Variants in TRPC6 observed in about 807,000 individuals in gnomAD.
TRPC6 encodes the protein short transient receptor potential channel 6.
Under a neutral mutation model 90.7 loss-of-function variants are expected in TRPC6, and 55 were observed. That is an observed-to-expected ratio of 0.61 (90% confidence interval 0.49 to 0.76). TRPC6 has a LOEUF of 0.76. Ranked by LOEUF, TRPC6 falls within the 30% of genes least tolerant of loss-of-function variation. The pLI, the probability that TRPC6 is intolerant of heterozygous loss-of-function variation, is 0.00. For missense variants in TRPC6, 989 were observed against 1,122.7 expected, an observed-to-expected ratio of 0.88 and a Z score of 1.70; for synonymous variants, 393 against 393.0, an observed-to-expected ratio of 1.00 and a Z score of 0.00.
chr11:101,530,422 C>G lies in TRPC6; in HGVS notation c.171-25624G>C, dbSNP rs565533115. On this transcript the variant is annotated intron_variant, in intron 1 of 12. Coordinates refer to ENST00000344327, the MANE Select transcript of TRPC6 (RefSeq NM_004621.6). Reference sequence around the variant, plus strand: ...CTGTCCAGGAACCTGGCAGGAGATACGCCCATCTGTGCCTCCAGAGGCAGG... The same window carrying G: ...CTGTCCAGGAACCTGGCAGGAGATAGGCCCATCTGTGCCTCCAGAGGCAGG... 7.9e-5 allele frequency among the ~76,000 whole-genome samples: 12 copies of G among 152,212 alleles called. No individual in the cohort carries two copies. The East Asian group carries it at 2.1e-3, about 27-fold the overall frequency.
chr11:101,453,207 T>C, intron 12 of TRPC6, 101 bp from the exon 13 acceptor site: 1 of 1,177,288 alleles, frequency 8.5e-7, no homozygotes, highest in Non-Finnish European at 1.3e-6. Context: ...TCACACACAA[T>C]TTTATTTTGA....
chr11:101,550,807 T>C (rs185746034), intron 1 of TRPC6, among the ~76,000 whole-genome samples: 15 of 151,890 alleles, frequency 9.9e-5, no homozygotes, highest in Admixed American at 1.3e-4. Flanking sequence ...CTTTGAAATA[T>C]TGCATATTTA....
At chr11:101,564,799 C>T (rs1861793414) in intron 1 of TRPC6, among the ~76,000 whole-genome samples, 1 of 152,068 alleles carries the variant, frequency 6.6e-6, no homozygotes, top group Non-Finnish European at 1.5e-5. Context: ...GGAGGCATCA[C>T]ACAACCTAAT....
intron 1 of TRPC6, among the ~76,000 whole-genome samples, chr11:101,549,124 G>A (rs77691523): frequency 0.1 from 15,690 of 151,796 alleles, 1,596 homozygotes; most frequent in East Asian, 0.54. Flanking sequence ...CCTACTAATG[G>A]GAGGAGCTGA....
rs200082005 is a variant in TRPC6 at position 101,583,541 on chromosome 11, G to C, written c.-38C>G. 2 of 1,417,422 alleles carry C rather than the reference G, an allele frequency of 1.4e-6. No homozygotes were observed. The highest frequency in any genetic ancestry group is 1.8e-6 in the Non-Finnish European group (2 of 1,091,370). The allele number at this position is 1,417,422 out of a possible 1,614,324, so 87.8% of individuals were successfully genotyped here. Reference sequence around the variant, plus strand: ...CGACTGGCCTGGGCCCCGCTCCCGGGGGAGCCGAGTGGGCAGTTCCAGCGG... The same window carrying C: ...CGACTGGCCTGGGCCCCGCTCCCGGCGGAGCCGAGTGGGCAGTTCCAGCGG... On this transcript the variant is annotated 5_prime_UTR_variant, in exon 1 of 13. Coordinates refer to ENST00000344327, the MANE Select transcript of TRPC6 (RefSeq NM_004621.6).
At chr11:101,543,585 C>G (rs1009556234) in intron 1 of TRPC6, among the ~76,000 whole-genome samples, 1 of 152,104 alleles carries the variant, frequency 6.6e-6, no homozygotes, top group Admixed American at 6.6e-5. Context: ...AACCACACAT[C>G]TGCAACCATC....
chr11:101,507,065 G>A (rs2136749306), intron 1 of TRPC6, among the ~76,000 whole-genome samples: 1 of 144,656 alleles, frequency 6.9e-6, no homozygotes, highest in East Asian at 2.1e-4. Context: ...CCCCTTCATG[G>A]TCCCTTATCA....
intron 5 of TRPC6, among the ~76,000 whole-genome samples, chr11:101,478,698 A>C (rs1034056007): frequency 6.6e-6 from 1 of 152,146 alleles, no homozygotes; most frequent in Non-Finnish European, 1.5e-5. Flanking sequence ...GAGACTTCAC[A>C]GGGATCAAGC....
At chr11:101,536,096 G>A (rs1861038486) in intron 1 of TRPC6, among the ~76,000 whole-genome samples, 1 of 152,202 alleles carries the variant, frequency 6.6e-6, no homozygotes, top group Non-Finnish European at 1.5e-5. Flanking sequence ...CATTGAAAAT[G>A]TAACTGCAGG....
intron 1 of TRPC6, among the ~76,000 whole-genome samples, chr11:101,522,422 T>C (rs759076116): frequency 3.9e-5 from 6 of 152,150 alleles, no homozygotes; most frequent in Non-Finnish European, 8.8e-5. Flanking sequence ...CTGTACAGCC[T>C]GCAGAACTGT....
At chr11:101,555,089 T>C (rs1398749908) in intron 1 of TRPC6, among the ~76,000 whole-genome samples, 1 of 152,178 alleles carries the variant, frequency 6.6e-6, no homozygotes, top group Admixed American at 6.6e-5. Context: ...TGTGGTAGGC[T>C]AAGAGACACT....
At chr11:101,464,475 T>C (rs1859093689) in intron 10 of TRPC6, among the ~76,000 whole-genome samples, 1 of 152,230 alleles carries the variant, frequency 6.6e-6, no homozygotes, top group Non-Finnish European at 1.5e-5. Context: ...TGGGTGCTCC[T>C]GTATTGAGTG....
chr11:101,553,020 C>T (rs577153163), intron 1 of TRPC6, among the ~76,000 whole-genome samples: 2 of 152,106 alleles, frequency 1.3e-5, no homozygotes, highest in South Asian at 4.2e-4. Flanking sequence ...GAGAAGCTTC[C>T]TTAAAGTCTG....
At chr11:101,503,312 T>C (rs1310244182) in intron 2 of TRPC6, among the ~76,000 whole-genome samples, 38 of 152,306 alleles carry the variant, frequency 2.5e-4, no homozygotes. Flanking sequence ...ATTTCATATC[T>C]ATCATGTTTT....
intron 2 of TRPC6, 50 bp downstream of exon 2, chr11:101,503,974 A>T (rs202121481): frequency 1.2e-5 from 20 of 1,612,028 alleles, no homozygotes; most frequent in Non-Finnish European, 1.7e-5. Context: ...TGGTAAATAC[A>T]CCTTGACTCT....
intron 1 of TRPC6, among the ~76,000 whole-genome samples, chr11:101,518,329 C>T (rs940965961): frequency 5.9e-5 from 9 of 152,000 alleles, no homozygotes; most frequent in Non-Finnish European, 1.3e-4. Context: ...ATATAAAGTG[C>T]TCAAACAACC....
chr11:101,504,733 A>G lies in TRPC6; in HGVS notation c.236T>C (p.Leu79Ser). 6.3e-7 allele frequency: 1 copy of G among 1,599,114 alleles called. No homozygotes were observed. Among genetic ancestry groups the G allele is most frequent in the Non-Finnish European group, 8.5e-7 (1 of 1,172,394 alleles). Reference sequence around the variant, plus strand: ...CATGTATGCTGGTCCTCGATTAGCTAACCTTCTCCCCTTCTCACGGAGAAC... The same window carrying G: ...CATGTATGCTGGTCCTCGATTAGCTGACCTTCTCCCCTTCTCACGGAGAAC... The part of the protein sequence containing the change: ...QTVLREKGRR[L>S]ANRGPAYMFS... Residue 79 changes from leucine (L) to serine (S), a missense_variant, in exon 2 of 13, where the codon TTA becomes TCA. Physicochemically the swap from Leu to Ser is moderately radical, Grantham distance 145. Coordinates refer to ENST00000344327, the MANE Select transcript of TRPC6 (RefSeq NM_004621.6).
intron 1 of TRPC6, among the ~76,000 whole-genome samples, chr11:101,517,835 A>G (rs1053286420): frequency 8.5e-5 from 13 of 152,226 alleles, no homozygotes; most frequent in African/African-American, 3.1e-4. Context: ...CCAAAATGCT[A>G]TTACCTAAAA....
In TRPC6 at chr11:101,454,871, CTGGTACA is replaced by C. The variant is rs1251614404; in HGVS notation, c.2568+140_2568+146del. 2.1e-5 allele frequency: 12 copies of C among 574,932 alleles called. No individual in the cohort carries two copies. In the African/African-American group the frequency reaches 2.3e-4, roughly 11 times the overall value. The allele number at this position is 574,932 out of a possible 1,614,324, so 35.6% of individuals were successfully genotyped here. The stretch of plus-strand genomic sequence containing the variant: ...TATATCTCTGTCACTTACAAAATGC[CTGGTACA>C]TGGTAATTAATAAATATTTATTGAA... On this transcript the variant is annotated intron_variant, in intron 11 of 12. Coordinates refer to ENST00000344327, the MANE Select transcript of TRPC6 (RefSeq NM_004621.6).
Sources: gnomAD v4.1 joint callset for allele counts (sites outside exome capture counted in the v4.1 genomes callset) on GRCh38, gnomAD v4.1.1 for gene constraint, MANE v1.5 for transcripts, NCBI Gene and HGNC (gene_info 2026-07-23, HGNC 2026-07-21) for gene names.